The following EFCAB3 variants were observed in gnomAD, a reference collection of about 807,000 sequenced individuals.
The protein encoded by EFCAB3 is EF-hand calcium binding domain 3.
In EFCAB3, 36 loss-of-function variants were observed where a neutral mutation model predicts 42.2. The ratio of observed to expected loss-of-function variants is 0.85; its 90% CI spans 0.65 to 1.13. The LOEUF (loss-of-function observed/expected upper bound fraction) is 1.13, where lower values mean the gene tolerates loss of function less well. EFCAB3 is among the 50% of genes most tolerant of loss of function. The pLI is 0.00. For synonymous variants in EFCAB3, 170 were observed against 172.8 expected (o/e 0.98, Z 0.13); for missense variants, 418 against 505.1 (o/e 0.83, Z 1.65).
Position 62,395,251 on chromosome 17 carries a change from G to T in EFCAB3, c.488+63G>T. 4 of 1,590,044 alleles carry T rather than the reference G, an allele frequency of 2.5e-6. No individual in the cohort carries two copies. The South Asian group carries it at 3.4e-5, about 14-fold the overall frequency. On this transcript the variant is annotated intron_variant, in intron 6 of 9. Transcript: ENST00000305286. The stretch of plus-strand genomic sequence containing the variant: ...GAAGCATTATGAAGATATTAACATG[G>T]CAGTCAGCTCCCACTAACATCCAAC...
intron 6 of EFCAB3, among the ~76,000 whole-genome samples, chr17:62,400,475 G>A (rs4968521): frequency 0.087 from 13,268 of 152,110 alleles, 644 homozygotes; most frequent in South Asian, 0.24. Context: ...GAGAACATGC[G>A]GTGTTTGGTT....
At chr17:62,401,987 C>T (rs895111957) in intron 6 of EFCAB3, among the ~76,000 whole-genome samples, 20 of 152,122 alleles carry the variant, frequency 1.3e-4, no homozygotes, top group Admixed American at 9.8e-4. Context: ...TGTAATTATC[C>T]TTGAAGAGGT....
chr17:62,380,160 C>T (rs1189440600), upstream of EFCAB3, among the ~76,000 whole-genome samples: 1 of 152,158 alleles, frequency 6.6e-6, no homozygotes, highest in Non-Finnish European at 1.5e-5. Flanking sequence ...CACCACCACA[C>T]CAAGCTAATT....
At chr17:62,395,998 T>G (rs1472996477) in intron 6 of EFCAB3, among the ~76,000 whole-genome samples, 1 of 152,168 alleles carries the variant, frequency 6.6e-6, no homozygotes, top group Non-Finnish European at 1.5e-5. Context: ...ATGCACAAAA[T>G]TCTACTTTTC....
chr17:62,387,730 G>GGATC (rs2070265997), intron 3 of EFCAB3, among the ~76,000 whole-genome samples: 1 of 152,178 alleles, frequency 6.6e-6, no homozygotes, highest in Admixed American at 6.5e-5. Context: ...CACAAACACA[G>GGATC]CTACAGTCCT....
chr17:62,407,324 G>A (rs2070457414), intron 8 of EFCAB3, 112 bp downstream of exon 8: 6 of 952,056 alleles, frequency 6.3e-6, no homozygotes, highest in African/African-American at 1.7e-5. Flanking sequence ...TATTTTCAAA[G>A]CAGATGCCAT....
chr17:62,390,326 T>C (rs971112851), intron 3 of EFCAB3, among the ~76,000 whole-genome samples: 48 of 152,184 alleles, frequency 3.2e-4, no homozygotes, highest in African/African-American at 1.1e-3. Flanking sequence ...AGGGAGGGAT[T>C]GGCTCTGGGT....
intron 2 of EFCAB3, among the ~76,000 whole-genome samples, chr17:62,375,276 A>G (rs2070141562): frequency 6.6e-6 from 1 of 152,146 alleles, no homozygotes; most frequent in South Asian, 2.1e-4. Flanking sequence ...AAAAATATCT[A>G]CCTTTTAATA....
intron 6 of EFCAB3, among the ~76,000 whole-genome samples, chr17:62,396,825 G>A (rs2070353867): frequency 6.6e-6 from 1 of 152,068 alleles, no homozygotes; most frequent in Non-Finnish European, 1.5e-5. Flanking sequence ...GTTACAGTGA[G>A]CTGTGATTGT....
chr17:62,371,487 G>T lies in EFCAB3; in HGVS notation c.34+1165G>T, dbSNP rs577884365. ...GCAGGAGAATCACTTGAACCCAGGA[G>T]GGGGAGGTTGCAGTGAGCCAAGATT... On this transcript the variant is annotated intron_variant, in intron 1 of 11. Coordinates refer to the EFCAB3 transcript ENST00000450662. 3.9e-5 allele frequency among the ~76,000 whole-genome samples: 6 copies of T among 152,272 alleles called. No homozygotes were observed. The South Asian group carries it at 8.3e-4, about 21-fold the overall frequency.
At chr17:62,392,177 TTGTA>T (rs2070308943) in intron 4 of EFCAB3, among the ~76,000 whole-genome samples, 1 of 149,534 alleles carries the variant, frequency 6.7e-6, no homozygotes, top group Non-Finnish European at 1.5e-5. Context: ...TATTATATGT[TTGTA>T]GACTATATAT....
intron 3 of EFCAB3, among the ~76,000 whole-genome samples, chr17:62,387,690 A>G (rs1021594904): frequency 6.6e-6 from 1 of 152,226 alleles, no homozygotes; most frequent in African/African-American, 2.4e-5. Context: ...AAAATAACAA[A>G]AGAACAAATA....
intron 6 of EFCAB3, among the ~76,000 whole-genome samples, chr17:62,395,743 A>T (rs1168855253): frequency 6.6e-6 from 1 of 152,070 alleles, no homozygotes; most frequent in African/African-American, 2.4e-5. Context: ...ACACACACCA[A>T]CTGCATTATT....
At chr17:62,370,851 G>A (rs547505016) in intron 1 of EFCAB3, among the ~76,000 whole-genome samples, 2 of 151,934 alleles carry the variant, frequency 1.3e-5, no homozygotes, top group Non-Finnish European at 2.9e-5. Flanking sequence ...GCTTTGGAGG[G>A]CTGAGGCAAG....
At chr17:62,399,838 A>G (rs1184405405) in intron 6 of EFCAB3, among the ~76,000 whole-genome samples, 1 of 152,126 alleles carries the variant, frequency 6.6e-6, no homozygotes, top group African/African-American at 2.4e-5. Context: ...ATGCAATAAA[A>G]TTTACTTATT....
chr17:62,382,894 A>G, intron 1 of EFCAB3, 69 bp from the exon 2 acceptor site: 1 of 1,393,794 alleles, frequency 7.2e-7, no homozygotes, highest in South Asian at 1.4e-5. Flanking sequence ...TTTGAGCTGA[A>G]AAAGTTGCAA....
intron 4 of EFCAB3, among the ~76,000 whole-genome samples, chr17:62,392,182 G>T (rs2070308994): frequency 6.7e-6 from 1 of 148,452 alleles, no homozygotes; most frequent in Admixed American, 6.8e-5. Context: ...TATGTTTGTA[G>T]ACTATATATT....
chr17:62,396,446 G>A (rs903011843), intron 6 of EFCAB3, among the ~76,000 whole-genome samples: 2 of 151,904 alleles, frequency 1.3e-5, no homozygotes, highest in African/African-American at 4.8e-5. Context: ...TCAGCTACTC[G>A]AGAGGCTGAG....
upstream of EFCAB3, chr17:62,378,073 C>A: frequency 7.0e-7 from 1 of 1,424,310 alleles, no homozygotes; most frequent in Non-Finnish European, 9.5e-7. Flanking sequence ...AATACTTTGA[C>A]TTACATTTTT....
Sources: gnomAD v4.1 joint callset for allele counts (sites outside exome capture counted in the v4.1 genomes callset) on GRCh38, gnomAD v4.1.1 for gene constraint, MANE v1.5 for transcripts, NCBI Gene and HGNC (gene_info 2026-07-23, HGNC 2026-07-21) for gene names.